Variants in FBXW10B observed in about 807,000 individuals in gnomAD.
FBXW10B encodes the protein F-box and WD repeat domain containing 10B.
chr17:15,616,547 GT>G, the FBXW10B span, among the ~76,000 whole-genome samples: 471 of 152,158 alleles, frequency 3.1e-3, 3 homozygotes, highest in African/African-American at 0.011. Context: ...GCTCATGCCT[GT>G]AATCCCAGCA....
the FBXW10B span, among the ~76,000 whole-genome samples, chr17:15,591,516 A>G: frequency 6.6e-6 from 1 of 152,132 alleles, no homozygotes; most frequent in African/African-American, 2.4e-5. Context: ...CTCAAACTCC[A>G]GGACTCAATG....
chr17:15,619,646 A>G, the FBXW10B span: 1 of 1,505,898 alleles, frequency 6.6e-7, no homozygotes, highest in Non-Finnish European at 8.9e-7. Context: ...CCAGAGCAAA[A>G]GTAAATGGCT....
At chr17:15,608,432 T>G in the FBXW10B span, among the ~76,000 whole-genome samples, 1 of 151,478 alleles carries the variant, frequency 6.6e-6, no homozygotes, top group Non-Finnish European at 1.5e-5. Flanking sequence ...AGTGCTGGGA[T>G]TACAGGCGTG....
At chr17:15,595,918 C>CT in the FBXW10B span, among the ~76,000 whole-genome samples, 35,036 of 140,644 alleles carry the variant, frequency 0.25, 5,074 homozygotes, top group African/African-American at 0.36. Context: ...ATGCAATACT[C>CT]TTTTTTTTTT....
the FBXW10B span, among the ~76,000 whole-genome samples, chr17:15,604,555 G>A: frequency 1.3e-5 from 2 of 152,046 alleles, no homozygotes; most frequent in Non-Finnish European, 2.9e-5. Context: ...GTTTTTTTGA[G>A]ATGGAGTCTT....
the FBXW10B span, among the ~76,000 whole-genome samples, chr17:15,603,264 C>G: frequency 6.6e-6 from 1 of 151,530 alleles, no homozygotes; most frequent in Non-Finnish European, 1.5e-5. Flanking sequence ...AGAGGGTATT[C>G]TCCAGCAGAT....
the FBXW10B span, among the ~76,000 whole-genome samples, chr17:15,602,451 A>G: frequency 1.3e-5 from 2 of 152,098 alleles, no homozygotes; most frequent in Non-Finnish European, 2.9e-5. Flanking sequence ...TTGCAAATAG[A>G]TTAAAAAACT....
chr17:15,594,577 G>C, the FBXW10B span: 8 of 820,478 alleles, frequency 9.8e-6, no homozygotes, highest in Non-Finnish European at 1.3e-5. Flanking sequence ...AGACAGAGAA[G>C]ATGGTGGGGA....
chr17:15,591,433 G>A, the FBXW10B span, among the ~76,000 whole-genome samples: 1 of 152,158 alleles, frequency 6.6e-6, no homozygotes, highest in South Asian at 2.1e-4. Context: ...GGGATTACAG[G>A]TGTGCACCAC....
the FBXW10B span, among the ~76,000 whole-genome samples, chr17:15,616,326 C>T: frequency 6.6e-6 from 1 of 151,808 alleles, no homozygotes; most frequent in African/African-American, 2.4e-5. Flanking sequence ...AAGTGCATGA[C>T]ACCTGGCTAT....
the FBXW10B span, among the ~76,000 whole-genome samples, chr17:15,616,726 G>A: frequency 1.3e-4 from 19 of 150,562 alleles, no homozygotes; most frequent in African/African-American, 4.6e-4. Flanking sequence ...GGAGAATGGC[G>A]TGAACCCGGG....
At chr17:15,568,140 A>G in the FBXW10B span, among the ~76,000 whole-genome samples, 1 of 152,226 alleles carries the variant, frequency 6.6e-6, no homozygotes, top group African/African-American at 2.4e-5. Flanking sequence ...GGTAAATAAC[A>G]TGGTCTTCAT....
At chr17:15,616,094 G>A in the FBXW10B span, among the ~76,000 whole-genome samples, 7 of 152,052 alleles carry the variant, frequency 4.6e-5, no homozygotes, top group Admixed American at 3.3e-4. Context: ...AATGCTCTTC[G>A]GAAGCTCAAG....
the FBXW10B span, among the ~76,000 whole-genome samples, chr17:15,592,431 G>C: frequency 4.0e-5 from 6 of 151,630 alleles, no homozygotes; most frequent in Admixed American, 2.6e-4. Flanking sequence ...ATATGGTTTA[G>C]GGACATTAAG....
chr17:15,599,886 C>T, the FBXW10B span, among the ~76,000 whole-genome samples: 1 of 151,914 alleles, frequency 6.6e-6, no homozygotes, highest in African/African-American at 2.4e-5. Context: ...TGAACTACCA[C>T]TTACCTCAGT....
the FBXW10B span, among the ~76,000 whole-genome samples, chr17:15,584,228 A>G: frequency 1.3e-5 from 2 of 152,258 alleles, no homozygotes; most frequent in South Asian, 4.1e-4. Context: ...TATTGGTTGA[A>G]TTAATTGTGG....
At chr17:15,589,692 A>T in the FBXW10B span, among the ~76,000 whole-genome samples, 2 of 152,084 alleles carry the variant, frequency 1.3e-5, no homozygotes, top group African/African-American at 4.8e-5. Flanking sequence ...TCACAGTCTA[A>T]TTAGTCAAGT....
chr17:15,573,299 A>G, the FBXW10B span: 1 of 152,212 alleles, frequency 6.6e-6, no homozygotes, highest in South Asian at 2.1e-4. Context: ...CGATGCTTGT[A>G]GCATGAAGAA....
chr17:15,594,929 G>A, the FBXW10B span: 6 of 1,611,004 alleles, frequency 3.7e-6, no homozygotes, highest in East Asian at 1.3e-4. Context: ...CTCAGACTGT[G>A]ACTCCTCCAA....
Sources: allele counts gnomAD v4.1 joint callset (sites outside exome capture counted in the v4.1 genomes callset), GRCh38; gene constraint gnomAD v4.1.1; transcripts MANE v1.5; gene names NCBI Gene and HGNC (gene_info 2026-07-23, HGNC 2026-07-21).